The following HS3ST4 variants were observed in gnomAD, a reference collection of about 807,000 sequenced individuals.
The protein encoded by HS3ST4 is heparan sulfate glucosamine 3-O-sulfotransferase 4.
In HS3ST4, 17 loss-of-function variants were observed where a neutral mutation model predicts 29.2. The observed-to-expected ratio is 0.58, with a 90% CI of 0.40 to 0.87. The LOEUF (loss-of-function observed/expected upper bound fraction) is 0.87, where lower values mean the gene tolerates loss of function less well. Ranked by LOEUF, HS3ST4 falls within the 40% of genes least tolerant of loss-of-function variation. HS3ST4 has a pLI of 0.00. For synonymous variants in HS3ST4, 314 were observed against 285.7 expected, an observed-to-expected ratio of 1.10 and a Z score of -1.00; for missense variants, 627 against 634.5, an observed-to-expected ratio of 0.99 and a Z score of 0.13.
At chr16:25,945,232 G>A (rs757105438) in intron 1 of HS3ST4, among the ~76,000 whole-genome samples, 20 of 152,126 alleles carry the variant, frequency 1.3e-4, no homozygotes, top group Admixed American at 1.3e-4. Context: ...TGCATATTGA[G>A]TGTGTGTACT....
chr16:26,094,484 T>G (rs1193156399), intron 1 of HS3ST4, among the ~76,000 whole-genome samples: 1 of 152,182 alleles, frequency 6.6e-6, no homozygotes, highest in Non-Finnish European at 1.5e-5. Flanking sequence ...GAAAGAATTT[T>G]CAACCCAGAA....
intron 1 of HS3ST4, among the ~76,000 whole-genome samples, chr16:26,040,435 C>T (rs1230129720): frequency 1.3e-5 from 2 of 151,982 alleles, no homozygotes; most frequent in African/African-American, 2.4e-5. Flanking sequence ...TCCTGAGTAG[C>T]TGGGATTACA....
chr16:25,953,813 G>C (rs546715937), intron 1 of HS3ST4, among the ~76,000 whole-genome samples: 1 of 152,302 alleles, frequency 6.6e-6, no homozygotes, highest in African/African-American at 2.4e-5. Flanking sequence ...GATCCATCCT[G>C]CTGGGGAACT....
At chr16:26,039,479 G>T (rs73514511) in intron 1 of HS3ST4, among the ~76,000 whole-genome samples, 2,498 of 152,188 alleles carry the variant, frequency 0.016, 66 homozygotes, top group African/African-American at 0.055. Context: ...CATAGTGGGT[G>T]TATATATTTG....
At position 25,862,148 on chromosome 16, in the gene HS3ST4, A is replaced by G. The variant is rs189665979; in HGVS notation, c.734+168997A>G. 3.4e-4 allele frequency among the ~76,000 whole-genome samples: 50 copies of G among 148,280 alleles called. No homozygotes were observed. In the East Asian group the frequency reaches 8.5e-3, roughly 25 times the overall value. On this transcript the variant is annotated intron_variant, in intron 1 of 1. Coordinates refer to ENST00000331351, the MANE Select transcript of HS3ST4 (RefSeq NM_006040.3). ...ATGCACAGTTGATTCTCCTATGAGA[A>G]TTTTATTTATTTACATATTTATTTA...
rs1968740142 is a variant in HS3ST4, at chr16:25,956,950, A to T, written c.735-178662A>T. Among the ~76,000 whole-genome samples, 2 of 143,194 alleles carry T rather than the reference A, an allele frequency of 1.4e-5. 1 individual carries two copies. The highest frequency in any genetic ancestry group is 4.5e-4 in the South Asian group (2 of 4,494). 93.9% of individuals were successfully genotyped at this position (143,194 alleles called of 152,430 possible). Reference sequence around the variant, plus strand: ...GAGGTGGAGCTTGCAGTGAGCCAAGATTGAGCCACTGCACTCCAGCCTGGG... The same window carrying T: ...GAGGTGGAGCTTGCAGTGAGCCAAGTTTGAGCCACTGCACTCCAGCCTGGG... On this transcript the variant is annotated intron_variant, in intron 1 of 1. Transcript: ENST00000331351.
intron 1 of HS3ST4, among the ~76,000 whole-genome samples, chr16:25,885,725 T>C (rs890068550): frequency 6.6e-6 from 1 of 151,894 alleles, no homozygotes; most frequent in Non-Finnish European, 1.5e-5. Flanking sequence ...CACACATATA[T>C]GTATATGTGT....
At chr16:25,918,210 G>A (rs950602167) in intron 1 of HS3ST4, among the ~76,000 whole-genome samples, 3 of 152,174 alleles carry the variant, frequency 2.0e-5, no homozygotes, top group African/African-American at 7.2e-5. Flanking sequence ...ACAGTATGCT[G>A]CCTCATGGTT....
At chr16:25,849,812 C>T (rs1967499940) in intron 1 of HS3ST4, among the ~76,000 whole-genome samples, 1 of 143,708 alleles carries the variant, frequency 7.0e-6, no homozygotes, top group Non-Finnish European at 1.5e-5. Context: ...TCACTTAGAG[C>T]TCCTTAATCT....
At chr16:26,002,476 A>G (rs562621691) in intron 1 of HS3ST4, among the ~76,000 whole-genome samples, 17 of 152,266 alleles carry the variant, frequency 1.1e-4, no homozygotes, top group African/African-American at 4.1e-4. Context: ...GAAATAGTGG[A>G]AGAGGTTGAC....
rs542896227 is a variant in HS3ST4 at position 25,891,752 on chromosome 16, T to C, written c.734+198601T>C. On this transcript the variant is annotated intron_variant, in intron 1 of 1. Transcript: ENST00000331351. Reference sequence around the variant, plus strand: ...TTGTTGCCTCCATCTTTGGGGACTCTAGTCTGCCACAAGTGGTGCAGTCTT... The same window carrying C: ...TTGTTGCCTCCATCTTTGGGGACTCCAGTCTGCCACAAGTGGTGCAGTCTT... Among the ~76,000 whole-genome samples the C allele has an allele frequency of 2.6e-5, 4 of 152,336 alleles. No individual in the cohort carries two copies. In the South Asian group the frequency reaches 6.2e-4, roughly 24 times the overall value.
chr16:25,773,841 C>T (rs1378928094), intron 1 of HS3ST4, among the ~76,000 whole-genome samples: 1 of 152,170 alleles, frequency 6.6e-6, no homozygotes, highest in Non-Finnish European at 1.5e-5. Context: ...TTATACTACT[C>T]TGTATGCCCC....
chr16:25,931,196 AAGCAGTGAGAC>A (rs1212274273), intron 1 of HS3ST4, among the ~76,000 whole-genome samples: 6 of 152,150 alleles, frequency 3.9e-5, no homozygotes, highest in Non-Finnish European at 8.8e-5. Flanking sequence ...TGCCTTTGGG[AAGCAGTGAGAC>A]AGCCCTCTGC....
chr16:25,957,591 G>A lies in HS3ST4; in HGVS notation c.735-178021G>A, dbSNP rs574648731. ...GGCCACCACTCACCGCTAATTTTTT[G>A]TATTTTTAGTGGAGATGGGGTTTCA... On this transcript the variant is annotated intron_variant, in intron 1 of 1. Transcript: ENST00000331351. 3.0e-4 allele frequency among the ~76,000 whole-genome samples: 46 copies of A among 152,226 alleles called. 1 individual carries two copies. The South Asian group carries it at 9.5e-3, about 32-fold the overall frequency.
At chr16:25,966,663 G>A (rs901214692) in intron 1 of HS3ST4, among the ~76,000 whole-genome samples, 2 of 151,128 alleles carry the variant, frequency 1.3e-5, no homozygotes, top group African/African-American at 4.9e-5. Context: ...GAGTGGTGGT[G>A]AGAATTATAT....
At chr16:26,105,392 A>G (rs1189057848) in intron 1 of HS3ST4, among the ~76,000 whole-genome samples, 2 of 152,166 alleles carry the variant, frequency 1.3e-5, no homozygotes, top group Admixed American at 6.5e-5. Flanking sequence ...AAAATTGAAT[A>G]CTATGCTCAT....
intron 1 of HS3ST4, among the ~76,000 whole-genome samples, chr16:25,982,064 G>T (rs1004537950): frequency 6.6e-6 from 1 of 152,082 alleles, no homozygotes; most frequent in Non-Finnish European, 1.5e-5. Context: ...ACACACATAT[G>T]CACAGGGTTT....
At chr16:25,794,896 T>TACACACACACACAC (rs59740575) in intron 1 of HS3ST4, among the ~76,000 whole-genome samples, 5 of 136,682 alleles carry the variant, frequency 3.7e-5, no homozygotes, top group African/African-American at 1.1e-4. Context: ...TACTCAAGAA[T>TACACACACACACAC]ACACACACAC....
chr16:25,827,437 TC>T (rs1270065106), intron 1 of HS3ST4, among the ~76,000 whole-genome samples: 4 of 151,556 alleles, frequency 2.6e-5, no homozygotes, highest in African/African-American at 9.7e-5. Context: ...CACTGACAAG[TC>T]AGAATACAGT....
Sources: allele counts gnomAD v4.1 joint callset (sites outside exome capture counted in the v4.1 genomes callset), GRCh38; gene constraint gnomAD v4.1.1; transcripts MANE v1.5; gene names NCBI Gene and HGNC (gene_info 2026-07-23, HGNC 2026-07-21).